The following XKR6 variants were observed in gnomAD, a reference collection of about 807,000 sequenced individuals.
XKR6 encodes the protein XK related 6.
XKR6 carries 22 observed loss-of-function variants against 56.7 expected under a neutral mutation model. The observed-to-expected ratio is 0.39, with a 90% confidence interval of 0.28 to 0.55. XKR6 has a LOEUF of 0.55. Ranked by LOEUF, XKR6 falls within the 20% of genes least tolerant of loss-of-function variation. The probability of loss-of-function intolerance (pLI) is 0.66; values close to 1 mark genes in which losing one functional copy is unlikely to be tolerated. For synonymous variants in XKR6, 524 were observed against 387.8 expected (o/e 1.35, Z -4.13); for missense variants, 852 against 889.0 (o/e 0.96, Z 0.53).
At chr8:11,042,991 G>A (rs561235720) in intron 1 of XKR6, among the ~76,000 whole-genome samples, 1 of 152,264 alleles carries the variant, frequency 6.6e-6, no homozygotes, top group Non-Finnish European at 1.5e-5. Flanking sequence ...CCAGGGCAGT[G>A]GTGGACCCCA....
chr8:11,026,453 CTA>C (rs2129150176), intron 1 of XKR6, among the ~76,000 whole-genome samples: 1 of 151,714 alleles, frequency 6.6e-6, no homozygotes, highest in African/African-American at 2.4e-5. Context: ...ATAGTCTAGC[CTA>C]CTACACACCT....
At chr8:11,017,799 G>T (rs1798660540) in intron 1 of XKR6, among the ~76,000 whole-genome samples, 1 of 152,198 alleles carries the variant, frequency 6.6e-6, no homozygotes. Context: ...GTGCCCATAG[G>T]AATAGAGGGC....
At chr8:10,928,814 T>C (rs1800975621) in intron 1 of XKR6, among the ~76,000 whole-genome samples, 1 of 152,144 alleles carries the variant, frequency 6.6e-6, no homozygotes, top group African/African-American at 2.4e-5. Context: ...CCAGAAAGCT[T>C]ACCGCACCGT....
At chr8:11,173,957 G>A (rs1235298477) in intron 1 of XKR6, among the ~76,000 whole-genome samples, 2 of 152,176 alleles carry the variant, frequency 1.3e-5, no homozygotes, top group African/African-American at 4.8e-5. Context: ...GTTACCCTCG[G>A]GTGCTTTGGG....
chr8:11,037,144 C>A (rs1354939523), intron 1 of XKR6, among the ~76,000 whole-genome samples: 1 of 152,216 alleles, frequency 6.6e-6, no homozygotes, highest in Non-Finnish European at 1.5e-5. Flanking sequence ...TTTCACCCAA[C>A]AATTATAAGT....
chr8:10,931,581 G>C (rs1334011489), intron 1 of XKR6, among the ~76,000 whole-genome samples: 1 of 152,122 alleles, frequency 6.6e-6, no homozygotes, highest in Non-Finnish European at 1.5e-5. Flanking sequence ...GAACAGAAGA[G>C]TCCGGAAGAA....
At chr8:10,986,188 T>G (rs1797860366) in intron 1 of XKR6, among the ~76,000 whole-genome samples, 1 of 152,220 alleles carries the variant, frequency 6.6e-6, no homozygotes. Flanking sequence ...AGGAGTAGAT[T>G]ATTTAATAAG....
intron 1 of XKR6, among the ~76,000 whole-genome samples, chr8:11,054,793 A>C: frequency 6.6e-6 from 1 of 152,206 alleles, no homozygotes; most frequent in Non-Finnish European, 1.5e-5. Context: ...GGGGGCTGCC[A>C]GGGTGGTGCT....
chr8:10,944,462 T>C (rs896922022), intron 1 of XKR6, among the ~76,000 whole-genome samples: 2 of 151,736 alleles, frequency 1.3e-5, no homozygotes, highest in Admixed American at 1.3e-4. Context: ...CTTTCGAAAA[T>C]CCTCTCCACT....
chr8:11,120,506 A>G (rs147484567), intron 1 of XKR6, among the ~76,000 whole-genome samples: 2,728 of 152,310 alleles, frequency 0.018, 183 homozygotes, highest in Admixed American at 0.13. Flanking sequence ...TTCAAGGAGA[A>G]CTACAAACCA....
intron 1 of XKR6, chr8:11,106,503 C>G (rs1279393290): frequency 6.6e-6 from 1 of 152,302 alleles, no homozygotes. Context: ...TGGCATGAAG[C>G]AGATGTCCAG....
Position 10,897,799 on chromosome 8 carries a change from C to T in XKR6, c.*153G>A. On this transcript the variant is annotated 3_prime_UTR_variant, in exon 3 of 3. Coordinates refer to ENST00000416569, the MANE Select transcript of XKR6 (RefSeq NM_173683.4). ...TTGAAGGGGTTGTGACTTATTAATTCTTTTTTTTTTGTAGTGGTGGTGTTG... is the reference window on the plus strand; with the variant it reads ...TTGAAGGGGTTGTGACTTATTAATTTTTTTTTTTTTGTAGTGGTGGTGTTG... 3 of 843,854 alleles carry T rather than the reference C, an allele frequency of 3.6e-6. No individual in the cohort carries two copies. The highest frequency in any genetic ancestry group is 3.3e-6 in the Non-Finnish European group (2 of 598,580). The allele number at this position is 843,854 out of a possible 1,614,324, so 52.3% of individuals were successfully genotyped here.
intron 1 of XKR6, among the ~76,000 whole-genome samples, chr8:11,196,418 CAAAACA>C (rs1563212844): frequency 5.3e-5 from 8 of 150,994 alleles, no homozygotes; most frequent in African/African-American, 7.4e-5. Flanking sequence ...AAAAAGCAAA[CAAAACA>C]AAACAAAACA....
chr8:11,127,649 T>G (rs1043354659), intron 1 of XKR6, among the ~76,000 whole-genome samples: 4 of 152,134 alleles, frequency 2.6e-5, no homozygotes, highest in African/African-American at 7.2e-5. Context: ...CCTCTCTCTT[T>G]CACTTAGGAG....
At chr8:11,143,741 C>A (rs1800827913) in intron 1 of XKR6, among the ~76,000 whole-genome samples, 1 of 152,102 alleles carries the variant, frequency 6.6e-6, no homozygotes, top group South Asian at 2.1e-4. Context: ...TGCTGTGGTC[C>A]TGGATGGTGG....
At chr8:11,091,352 C>T (rs1005143942) in intron 1 of XKR6, among the ~76,000 whole-genome samples, 5 of 151,976 alleles carry the variant, frequency 3.3e-5, no homozygotes, top group African/African-American at 1.2e-4. Context: ...GTAGGAGGAT[C>T]ACTTGAGCCT....
chr8:11,041,442 G>C lies in XKR6; in HGVS notation c.765-116612C>G, dbSNP rs534309860. ...GTGGTGGTGCGTGCTTGTAATTCCA[G>C]CTACTCGGGAGGCTGAGGCAGGAGT... On this transcript the variant is annotated intron_variant, in intron 1 of 2. Transcript: ENST00000416569. Among the ~76,000 whole-genome samples the C allele has an allele frequency of 3.3e-5, 5 of 152,164 alleles. No individual in the cohort carries two copies. In the South Asian group the frequency reaches 1.0e-3, roughly 32 times the overall value.
At chr8:11,071,214 A>C (rs921428994) in intron 1 of XKR6, among the ~76,000 whole-genome samples, 2 of 152,212 alleles carry the variant, frequency 1.3e-5, no homozygotes, top group African/African-American at 4.8e-5. Context: ...GTCATTGCTC[A>C]GCATTTAGGG....
chr8:10,923,115 T>A (rs1421686329), intron 2 of XKR6, among the ~76,000 whole-genome samples: 1 of 152,254 alleles, frequency 6.6e-6, no homozygotes, highest in East Asian at 1.9e-4. Context: ...CCCCTCCTGC[T>A]TCTGTGGGTG....
Sources: gnomAD v4.1 joint callset for allele counts (sites outside exome capture counted in the v4.1 genomes callset) on GRCh38, gnomAD v4.1.1 for gene constraint, MANE v1.5 for transcripts, NCBI Gene and HGNC (gene_info 2026-07-23, HGNC 2026-07-21) for gene names.